TMEM121: variants seen among roughly 807,000 people sequenced by gnomAD.
The protein encoded by TMEM121 is transmembrane protein 121A.
A neutral mutation model predicts 16.4 loss-of-function variants in TMEM121; 8 were observed. The observed-to-expected ratio is 0.49, with a 90% CI of 0.29 to 0.88. The LOEUF is 0.88. Among genes scored for constraint, TMEM121 ranks in the 40% least tolerant of loss-of-function variants. TMEM121 has a pLI of 0.09. For missense variants in TMEM121, 401 were observed against 462.0 expected (o/e 0.87, Z 1.21); for synonymous variants, 235 against 226.2 (o/e 1.04, Z -0.35).
rs782408045 is a variant in TMEM121 at position 105,530,005 on chromosome 14, G to A, written c.*211G>A. 17 of 533,280 alleles carry A rather than the reference G, an allele frequency of 3.2e-5. No homozygotes were observed. The highest frequency in any genetic ancestry group is 5.2e-5 in the Non-Finnish European group (16 of 309,846). 33.0% of individuals were successfully genotyped at this position (533,280 alleles called of 1,614,324 possible). ...CCCCGCTCCACCAGCCCGCCCCAGC[G>A]CGTGGGTCTGTTTGGGAGGCCTGGG... On this transcript the variant is annotated 3_prime_UTR_variant, in exon 2 of 2. Transcript: ENST00000392519.
Position 105,529,678 on chromosome 14 carries a change from G to A in TMEM121, c.844G>A (p.Glu282Lys), listed in dbSNP as rs1555444335. 1.3e-6 allele frequency: 2 copies of A among 1,559,100 alleles called. No individual in the cohort carries two copies. Among genetic ancestry groups the A allele is most frequent in the South Asian group, 2.3e-5 (2 of 85,856 alleles). Reference protein sequence around the residue: ...RDFPPPALSLELQPPPPQRNS... With the variant: ...RDFPPPALSLKLQPPPPQRNS... ...CTTCCCGCCGCCTGCGCTATCACTG[G>A]AGCTGCAGCCGCCACCCCCGCAGCG... is the stretch of plus-strand genomic sequence containing the variant. Residue 282 changes from glutamate to lysine, a missense_variant, in exon 2 of 2, where the codon GAG (glutamate) becomes AAG (lysine). Physicochemically the swap from Glu to Lys is moderately conservative, Grantham distance 56. Coordinates refer to ENST00000392519, the MANE Select transcript of TMEM121 (RefSeq NM_025268.4).
At chr14:105,528,673 G>GA in intron 1 of TMEM121, 49 bp from the exon 2 acceptor site, 1 of 641,070 alleles carries the variant, frequency 1.6e-6, no homozygotes, top group Non-Finnish European at 2.1e-6. Context: ...GGTGTTGGGG[G>GA]AGGCCGCTCC....
chr14:105,529,380 C>T lies in TMEM121; in HGVS notation c.546C>T (p.Leu182=). 2 of 1,542,826 alleles carry T rather than the reference C, an allele frequency of 1.3e-6. No homozygotes were observed. Among genetic ancestry groups the T allele is most frequent in the South Asian group, 1.2e-5 (1 of 84,012 alleles). Residue 182 remains leucine, a synonymous_variant, in exon 2 of 2, where the codon CTC becomes CTT. Transcript: ENST00000392519. ...RSGLPLWAEG[L]TFFYCYMLLL... is the part of the protein sequence containing the mutation. ...GGCTGCCGCTGTGGGCCGAGGGCCT[C>T]ACCTTCTTCTACTGCTACATGCTGC...
At position 105,530,139 on chromosome 14, in the gene TMEM121, A is replaced by C; in HGVS notation, c.*345A>C. ...CCTTCGGTGGGGGCCTCTGGCTCAGATTTGGGGCCAAGGAGGCCTCTGTCA... is the reference window on the plus strand; with the variant it reads ...CCTTCGGTGGGGGCCTCTGGCTCAGCTTTGGGGCCAAGGAGGCCTCTGTCA... On this transcript the variant is annotated 3_prime_UTR_variant, in exon 2 of 2. Coordinates refer to ENST00000392519, the MANE Select transcript of TMEM121 (RefSeq NM_025268.4). The C allele has an allele frequency of 3.2e-6, 1 of 313,630 alleles. No homozygotes were observed. The highest frequency in any genetic ancestry group is 5.9e-6 in the Non-Finnish European group (1 of 169,674). The allele number at this position is 313,630 out of a possible 1,614,324, so 19.4% of individuals were successfully genotyped here. A position where few individuals can be genotyped will look rare whatever the true frequency, so the allele number is the denominator to read the frequency against.
rs1473723834 is a variant in TMEM121 at position 105,529,243 on chromosome 14, G to C, written c.409G>C (p.Val137Leu). 1 of 1,562,600 alleles carries C rather than the reference G, an allele frequency of 6.4e-7. No individual in the cohort carries two copies. The highest frequency in any genetic ancestry group is 8.6e-7 in the Non-Finnish European group (1 of 1,157,286). ...LLVALDRMEY[V>L]RTFRKREDLR... Reference sequence around the variant, plus strand: ...CGTGGCGCTGGACCGCATGGAGTACGTGCGCACCTTCCGCAAGCGCGAGGA... The same window carrying C: ...CGTGGCGCTGGACCGCATGGAGTACCTGCGCACCTTCCGCAAGCGCGAGGA... The change falls in exon 2 of 2, where the codon GTG (valine) becomes CTG (leucine). Residue 137 changes from valine (V) to leucine (L), a missense_variant. Physicochemically the swap from Val to Leu is conservative, Grantham distance 32 (BLOSUM62 1). Transcript: ENST00000392519.
Position 105,529,775 on chromosome 14 carries a change from G to T in TMEM121, c.941G>T (p.Arg314Leu). The change falls in exon 2 of 2, where the codon CGT (arginine) becomes CTT (leucine). Residue 314 changes from arginine to leucine, a missense_variant. Coordinates refer to ENST00000392519, the MANE Select transcript of TMEM121 (RefSeq NM_025268.4). The part of the protein sequence containing the change: ...PGRPHMSSPT[R>L]DPLDT ...CGCCCCCACATGTCCTCGCCCACGC[G>T]TGACCCCCTGGACACGTGACAGGGC... The T allele has an allele frequency of 1.4e-6, 2 of 1,476,142 alleles. No individual in the cohort carries two copies. The highest frequency in any genetic ancestry group is 1.8e-6 in the Non-Finnish European group (2 of 1,124,734). 91.4% of individuals were successfully genotyped at this position (1,476,142 alleles called of 1,614,324 possible). A position where few individuals can be genotyped will look rare whatever the true frequency, so the allele number is the denominator to read the frequency against.
chr14:105,529,245 G>T lies in TMEM121; in HGVS notation c.411G>T (p.Val137=). The T allele has an allele frequency of 6.4e-7, 1 of 1,561,404 alleles. No individual in the cohort carries two copies. Among genetic ancestry groups the T allele is most frequent in the Non-Finnish European group, 8.6e-7 (1 of 1,156,532 alleles). The part of the protein sequence containing the change: ...LLVALDRMEY[V]RTFRKREDLR... ...TGGCGCTGGACCGCATGGAGTACGTGCGCACCTTCCGCAAGCGCGAGGACC... is the reference window on the plus strand; with the variant it reads ...TGGCGCTGGACCGCATGGAGTACGTTCGCACCTTCCGCAAGCGCGAGGACC... The change falls in exon 2 of 2, where the codon GTG becomes GTT. Residue 137 remains valine, a synonymous_variant. Transcript: ENST00000392519.
Position 105,529,441 on chromosome 14 carries a change from A to G in TMEM121, c.607A>G (p.Ser203Gly). 1 of 1,546,420 alleles carries G rather than the reference A, an allele frequency of 6.5e-7. No homozygotes were observed. The highest frequency in any genetic ancestry group is 1.2e-5 in the South Asian group (1 of 84,026). Reference sequence around the variant, plus strand: ...GCCGTGCGTGGCGCTCAGCGAGGTCAGCATGCAGGGCGAGCACATAGCGCC... The same window carrying G: ...GCCGTGCGTGGCGCTCAGCGAGGTCGGCATGCAGGGCGAGCACATAGCGCC... ...VLPCVALSEV[S>G]MQGEHIAPQK... The change falls in exon 2 of 2, where the codon AGC becomes GGC. Residue 203 changes from serine (S) to glycine (G), a missense_variant. By Grantham distance (56) the Ser-to-Gly change is moderately conservative (BLOSUM62 0). Transcript: ENST00000392519.
intron 1 of TMEM121, among the ~76,000 whole-genome samples, chr14:105,527,625 G>A (rs896241943): frequency 6.6e-5 from 10 of 152,030 alleles, no homozygotes; most frequent in Non-Finnish European, 1.0e-4. Context: ...AGAGTTCAAC[G>A]CTTTCCCGGA....
intron 1 of TMEM121, among the ~76,000 whole-genome samples, chr14:105,528,304 C>A (rs2084605313): frequency 6.7e-6 from 1 of 149,374 alleles, no homozygotes; most frequent in Admixed American, 6.6e-5. Flanking sequence ...GCCTCCCTGC[C>A]CAGTGCGGCG....
chr14:105,529,308 G>A lies in TMEM121; in HGVS notation c.474G>A (p.Leu158=). The stretch of plus-strand genomic sequence containing the variant: ...TGTTTTGGGTGGCGCTGGACCTGCT[G>A]GACCTGCTGGACATGCAGGCCAGCC... ...GRLFWVALDL[L]DLLDMQASLW... is the part of the protein sequence containing the mutation. Residue 158 remains leucine (L), a synonymous_variant, in exon 2 of 2, where the codon CTG becomes CTA. Coordinates refer to ENST00000392519, the MANE Select transcript of TMEM121 (RefSeq NM_025268.4). The A allele has an allele frequency of 6.5e-7, 1 of 1,538,918 alleles. No individual in the cohort carries two copies. The highest frequency in any genetic ancestry group is 8.7e-7 in the Non-Finnish European group (1 of 1,146,662).
rs1555444262 is a variant in TMEM121 at position 105,529,433 on chromosome 14, G to A, written c.599G>A (p.Ser200Asn). Residue 200 changes from serine to asparagine, a missense_variant, in exon 2 of 2, where the codon AGC becomes AAC. Physicochemically the swap from Ser to Asn is conservative, Grantham distance 46 (BLOSUM62 1). Coordinates refer to ENST00000392519, the MANE Select transcript of TMEM121 (RefSeq NM_025268.4). ...LLLVLPCVAL[S>N]EVSMQGEHIA... ...CTGGTGCTGCCGTGCGTGGCGCTCA[G>A]CGAGGTCAGCATGCAGGGCGAGCAC... 4 of 1,546,196 alleles carry A rather than the reference G, an allele frequency of 2.6e-6. No individual in the cohort carries two copies. The highest frequency in any genetic ancestry group is 3.5e-6 in the Non-Finnish European group (4 of 1,146,872).
chr14:105,529,413 G>T lies in TMEM121; in HGVS notation c.579G>T (p.Val193=), dbSNP rs375691071. The change falls in exon 2 of 2, where the codon GTG becomes GTT. Residue 193 remains valine, a synonymous_variant. Transcript: ENST00000392519. ...TCTACTGCTACATGCTGCTGCTGGT[G>T]CTGCCGTGCGTGGCGCTCAGCGAGG... ...TFFYCYMLLL[V]LPCVALSEVS... The T allele has an allele frequency of 1.3e-5, 20 of 1,545,326 alleles. No homozygotes were observed. The African/African-American group carries it at 2.7e-4, about 21-fold the overall frequency.
Position 105,529,003 on chromosome 14 carries a change from C to A in TMEM121, c.169C>A (p.Arg57Ser), listed in dbSNP as rs782229676. Residue 57 changes from arginine (R) to serine (S), a missense_variant, in exon 2 of 2, where the codon CGC becomes AGC. By Grantham distance (110) the Arg-to-Ser change is moderately radical. Coordinates refer to ENST00000392519, the MANE Select transcript of TMEM121 (RefSeq NM_025268.4). The part of the protein sequence containing the change: ...VGDVCFLLVL[R>S]YVAVWVGAEV... ...CGACGTGTGCTTCCTGCTGGTGCTGCGCTACGTGGCCGTGTGGGTGGGCGC... is the reference window on the plus strand; with the variant it reads ...CGACGTGTGCTTCCTGCTGGTGCTGAGCTACGTGGCCGTGTGGGTGGGCGC... 6.2e-7 allele frequency: 1 copy of A among 1,612,044 alleles called. No homozygotes were observed. Among genetic ancestry groups the A allele is most frequent in the South Asian group, 1.1e-5 (1 of 90,998 alleles).
Position 105,529,918 on chromosome 14 carries a change from G to C in TMEM121, c.*124G>C. ...CTAGGGACAGGTGCCTCGAGTGCCC[G>C]TGCCTGGGGTCCCGCGGCCGCTTCT... is the stretch of plus-strand genomic sequence containing the variant. On this transcript the variant is annotated 3_prime_UTR_variant, in exon 2 of 2. Transcript: ENST00000392519. The C allele has an allele frequency of 1.0e-6, 1 of 973,828 alleles. No individual in the cohort carries two copies. Among genetic ancestry groups the C allele is most frequent in the Non-Finnish European group, 1.4e-6 (1 of 707,718 alleles). The allele number at this position is 973,828 out of a possible 1,614,324, so 60.3% of individuals were successfully genotyped here.
chr14:105,529,295 C>CGCTGGAGCT lies in TMEM121; in HGVS notation c.467_468insGCTGCTGGA (p.Leu155_Asp156insGluLeuLeu). The CGCTGGAGCT allele has an allele frequency of 1.9e-6, 3 of 1,540,420 alleles. No individual in the cohort carries two copies. The highest frequency in any genetic ancestry group is 2.6e-6 in the Non-Finnish European group (3 of 1,147,066). On this transcript the variant is annotated inframe_insertion, in exon 2 of 2. Transcript: ENST00000392519. ...CTGCGCGGCCGCCTGTTTTGGGTGG[C>CGCTGGAGCT]GCTGGACCTGCTGGACCTGCTGGAC...
In TMEM121 at chr14:105,529,572, G is replaced by T; in HGVS notation, c.738G>T (p.Ser246=). The stretch of plus-strand genomic sequence containing the variant: ...CGCTGTTCCGGGACAGCCGTGTCTC[G>T]GCCATCTTCGTCGGCAAAAACGTGG... ...NMALFRDSRV[S]AIFVGKNVVA... Residue 246 remains serine (S), a synonymous_variant, in exon 2 of 2, where the codon TCG becomes TCT. Transcript: ENST00000392519. 1.9e-6 allele frequency: 3 copies of T among 1,557,486 alleles called. No individual in the cohort carries two copies. The highest frequency in any genetic ancestry group is 8.6e-7 in the Non-Finnish European group (1 of 1,158,028).
chr14:105,528,509 C>A (rs978929007), intron 1 of TMEM121: 1 of 179,804 alleles, frequency 5.6e-6, no homozygotes, highest in Admixed American at 6.2e-5. Context: ...GGGAACGAGG[C>A]CCGGGTGCTC....
At position 105,529,873 on chromosome 14, in the gene TMEM121, TG is replaced by T; in HGVS notation, c.*83del. ...CTTGGGGCGCGCGGTTTGCATGGGA[TG>T]GGGTGGGGGCGGGCTCCCCTAGGGA... On this transcript the variant is annotated 3_prime_UTR_variant, in exon 2 of 2. Coordinates refer to ENST00000392519, the MANE Select transcript of TMEM121 (RefSeq NM_025268.4). 1 of 1,241,034 alleles carries T rather than the reference TG, an allele frequency of 8.1e-7. No homozygotes were observed. The allele number at this position is 1,241,034 out of a possible 1,614,324, so 76.9% of individuals were successfully genotyped here. A position where few individuals can be genotyped will look rare whatever the true frequency, so the allele number is the denominator to read the frequency against.
Sources: allele counts gnomAD v4.1 joint callset (sites outside exome capture counted in the v4.1 genomes callset), GRCh38; gene constraint gnomAD v4.1.1; transcripts MANE v1.5; gene names NCBI Gene and HGNC (gene_info 2026-07-23, HGNC 2026-07-21).